Variants in PPM1B observed in about 807,000 individuals in gnomAD.
PPM1B encodes protein phosphatase 1B.
A neutral mutation model predicts 43.0 loss-of-function variants in PPM1B; 22 were observed. The observed-to-expected ratio is 0.51, with a 90% CI of 0.37 to 0.73. The LOEUF is 0.73. PPM1B is among the 30% of genes least tolerant of loss of function. The pLI is 0.00. For synonymous variants in PPM1B, 217 were observed against 197.9 expected, an observed-to-expected ratio of 1.10 and a Z score of -0.81; for missense variants, 632 against 584.2, an observed-to-expected ratio of 1.08 and a Z score of -0.84.
intron 1 of PPM1B, among the ~76,000 whole-genome samples, chr2:44,182,469 C>T (rs573250682): frequency 6.6e-6 from 1 of 152,192 alleles, no homozygotes; most frequent in South Asian, 2.1e-4. Context: ...CCATGTTGGT[C>T]AGGCTGGTCT....
rs1235481016 is a variant in PPM1B at position 44,209,468 on chromosome 2, T to G, written c.964+141T>G. ...AATTTAGAGAGGGAAAGTATTCTTT[T>G]TGTTTATCAAATGATTATTTTAAAA... is the stretch of plus-strand genomic sequence containing the variant. On this transcript the variant is annotated intron_variant, in intron 3 of 5. Coordinates refer to ENST00000282412, the MANE Select transcript of PPM1B (RefSeq NM_002706.6). 4 of 941,262 alleles carry G rather than the reference T, an allele frequency of 4.2e-6. No individual in the cohort carries two copies. In the African/African-American group the frequency reaches 6.7e-5, roughly 16 times the overall value. 58.3% of individuals were successfully genotyped at this position (941,262 alleles called of 1,614,324 possible).
intron 2 of PPM1B, among the ~76,000 whole-genome samples, chr2:44,207,236 A>C (rs1669231761): frequency 6.6e-6 from 1 of 152,204 alleles, no homozygotes; most frequent in Non-Finnish European, 1.5e-5. Context: ...GGGCTGTGTC[A>C]TGTAGGTTCT....
At chr2:44,229,972 T>G in intron 5 of PPM1B, 1 of 1,552,912 alleles carries the variant, frequency 6.4e-7, no homozygotes, top group Non-Finnish European at 8.8e-7. Context: ...GTTTTATGTT[T>G]TGTATTTCCT....
downstream of PPM1B, chr2:44,233,223 A>G (rs1039265120): frequency 8.9e-5 from 81 of 908,910 alleles, no homozygotes; most frequent in Non-Finnish European, 1.0e-4. Context: ...TTAATCATTT[A>G]TGTTATTTTA....
At chr2:44,231,476 A>C, downstream of PPM1B, 1 of 964,008 alleles carries the variant, frequency 1.0e-6, no homozygotes, top group South Asian at 4.8e-5. Context: ...TAATCTATGC[A>C]TGTTGTACTT....
intron 5 of PPM1B, among the ~76,000 whole-genome samples, chr2:44,229,193 AAAG>A (rs1273109099): frequency 6.6e-6 from 1 of 152,128 alleles, no homozygotes; most frequent in Non-Finnish European, 1.5e-5. Flanking sequence ...AAAAAAAAAA[AAAG>A]AACGAAGACA....
chr2:44,222,158 T>C (rs1670007162), intron 5 of PPM1B, among the ~76,000 whole-genome samples: 1 of 152,102 alleles, frequency 6.6e-6, no homozygotes, highest in African/African-American at 2.4e-5. Context: ...TCTAAAATGC[T>C]AGTTTGTGTT....
At chr2:44,214,387 T>C (rs1055237866) in intron 3 of PPM1B, among the ~76,000 whole-genome samples, 10 of 151,906 alleles carry the variant, frequency 6.6e-5, no homozygotes, top group African/African-American at 2.2e-4. Flanking sequence ...TTTTTTTTTT[T>C]CTTAAATAAA....
intron 5 of PPM1B, among the ~76,000 whole-genome samples, chr2:44,225,273 T>C (rs2104253198): frequency 6.6e-6 from 1 of 152,302 alleles, no homozygotes. Flanking sequence ...GCAGTCTAAG[T>C]GGAGAGTCTT....
intron 3 of PPM1B, 107 bp from the exon 4 acceptor site, chr2:44,217,860 T>G: frequency 1.8e-6 from 1 of 563,530 alleles, no homozygotes; most frequent in Non-Finnish European, 2.8e-6. Flanking sequence ...GTAATTTTTT[T>G]TAATATATTT....
At chr2:44,232,218 A>G (rs945444400), downstream of PPM1B, 7 of 1,502,678 alleles carry the variant, frequency 4.7e-6, no homozygotes, top group Non-Finnish European at 5.4e-6. Context: ...AAAGAAAGGA[A>G]GGTAATTTGT....
intron 3 of PPM1B, among the ~76,000 whole-genome samples, chr2:44,212,385 C>T (rs996307517): frequency 2.0e-5 from 3 of 152,172 alleles, no homozygotes; most frequent in African/African-American, 7.2e-5. Flanking sequence ...CATCCCAGTT[C>T]ACCCTATAGC....
chr2:44,176,585 G>A (rs1667592837), intron 1 of PPM1B, among the ~76,000 whole-genome samples: 2 of 152,098 alleles, frequency 1.3e-5, no homozygotes, highest in South Asian at 2.1e-4. Context: ...TGTGAAGCAG[G>A]TGCTTAATTT....
downstream of PPM1B, among the ~76,000 whole-genome samples, chr2:44,236,233 TAAAAAA>T (rs1397318092): frequency 4.0e-5 from 6 of 151,414 alleles, no homozygotes; most frequent in African/African-American, 9.7e-5. Context: ...TGTCTCTACT[TAAAAAA>T]TAAAAATAAA....
intron 2 of PPM1B, among the ~76,000 whole-genome samples, chr2:44,206,916 G>A (rs1192377540): frequency 6.6e-6 from 1 of 152,010 alleles, no homozygotes; most frequent in Non-Finnish European, 1.5e-5. Context: ...AAAAATTTTT[G>A]CTTGAACTGC....
intron 1 of PPM1B, among the ~76,000 whole-genome samples, chr2:44,185,250 A>G (rs1383418893): frequency 1.3e-5 from 2 of 152,202 alleles, no homozygotes; most frequent in African/African-American, 4.8e-5. Context: ...TTGGAAAAGC[A>G]TGACAAGTGA....
chr2:44,230,447 G>A lies in PPM1B; in HGVS notation c.1169G>A (p.Gly390Glu). Residue 390 changes from glycine (G) to glutamate (E), a missense_variant, in exon 6 of 6, where the codon GGA (glycine) becomes GAA (glutamate). Gly to Glu is a moderately conservative substitution (Grantham distance 98). Around this residue, in one of 3 missense-constraint regions of PPM1B, gnomAD observed 392 missense variants for 302.7 expected, o/e 1.29. Coordinates refer to ENST00000282412, the MANE Select transcript of PPM1B (RefSeq NM_002706.6). ...SDEAEESGSQ[G>E]KLVEALRQMR... Reference sequence around the variant, plus strand: ...GAAGCAGAGGAAAGTGGATCACAGGGAAAATTGGTGGAAGCTCTCAGGCAA... The same window carrying A: ...GAAGCAGAGGAAAGTGGATCACAGGAAAAATTGGTGGAAGCTCTCAGGCAA... 1.2e-6 allele frequency: 2 copies of A among 1,614,174 alleles called. No individual in the cohort carries two copies. The highest frequency in any genetic ancestry group is 2.2e-5 in the East Asian group (1 of 44,882).
chr2:44,241,723 C>A (rs1001680626), intron 5 of PPM1B, among the ~76,000 whole-genome samples: 1 of 151,658 alleles, frequency 6.6e-6, no homozygotes, highest in African/African-American at 2.4e-5. Context: ...CAGAGCAAGA[C>A]CCTGTCTCAA....
chr2:44,209,426 T>G, intron 3 of PPM1B, 99 bp downstream of exon 3: 1 of 1,303,940 alleles, frequency 7.7e-7, no homozygotes, highest in Non-Finnish European at 1.0e-6. Flanking sequence ...ACCAAGGCTC[T>G]GTCTCAAAAA....
Sources: gnomAD v4.1 joint callset for allele counts (sites outside exome capture counted in the v4.1 genomes callset) on GRCh38, gnomAD v4.1.1 for gene constraint, gnomAD v4.1.1 regional missense constraint, MANE v1.5 for transcripts, NCBI Gene and HGNC (gene_info 2026-07-23, HGNC 2026-07-21) for gene names.